Variants in GPR107 observed in about 807,000 individuals in gnomAD.
GPR107 encodes protein GPR107.
Under a neutral mutation model 75.5 loss-of-function variants are expected in GPR107, and 31 were observed. The ratio of observed to expected loss-of-function variants is 0.41; its 90% CI spans 0.31 to 0.55. The LOEUF (loss-of-function observed/expected upper bound fraction) is 0.55. Among genes scored for constraint, GPR107 ranks in the 20% least tolerant of loss-of-function variants. The probability of loss-of-function intolerance (pLI) is 0.26; values close to 1 mark genes in which losing one functional copy is unlikely to be tolerated. For missense variants in GPR107, 572 were observed against 665.7 expected, an observed-to-expected ratio of 0.86 and a Z score of 1.55; for synonymous variants, 267 against 251.3, an observed-to-expected ratio of 1.06 and a Z score of -0.59.
intron 1 of GPR107, among the ~76,000 whole-genome samples, chr9:130,055,514 C>T (rs899957002): frequency 6.6e-5 from 7 of 105,720 alleles, no homozygotes; most frequent in African/African-American, 2.4e-4. Context: ...GGCAACAGCG[C>T]GAGACTCCGT....
intron 1 of GPR107, among the ~76,000 whole-genome samples, chr9:130,054,641 T>G (rs1307265856): frequency 1.3e-5 from 2 of 152,224 alleles, no homozygotes; most frequent in Non-Finnish European, 2.9e-5. Flanking sequence ...AAGGGCCTGC[T>G]TTTTCTTCCT....
chr9:130,118,904 G>A (rs1831486580), intron 14 of GPR107, among the ~76,000 whole-genome samples: 1 of 152,212 alleles, frequency 6.6e-6, no homozygotes. Flanking sequence ...ATGGGGCAGG[G>A]CTGGAAGGCA....
chr9:130,086,284 T>C (rs183395923), intron 6 of GPR107, 136 bp from the exon 7 acceptor site: 2 of 642,214 alleles, frequency 3.1e-6, no homozygotes, highest in Non-Finnish European at 5.5e-6. Context: ...TAGTTGGTTT[T>C]ATTTTCAGAG....
intron 1 of GPR107, among the ~76,000 whole-genome samples, chr9:130,062,651 TGCC>T (rs767529778): frequency 0.28 from 22,222 of 79,460 alleles, 1,766 homozygotes; most frequent in Non-Finnish European, 0.33. Context: ...CCTGCCTGCC[TGCC>T]TGCCTGCCTT....
chr9:130,128,822 C>T, intron 17 of GPR107, 61 bp downstream of exon 17: 1 of 1,527,972 alleles, frequency 6.5e-7, no homozygotes, highest in Non-Finnish European at 9.0e-7. Context: ...CAAAGCAGCA[C>T]AGTGTGAATC....
intron 7 of GPR107, among the ~76,000 whole-genome samples, chr9:130,089,933 G>A (rs563224398): frequency 1.3e-5 from 2 of 152,196 alleles, no homozygotes; most frequent in South Asian, 2.1e-4. Flanking sequence ...CTTATATTGA[G>A]TTTTAACAAG....
In GPR107 at chr9:130,100,714, G is replaced by A; in HGVS notation, c.1013+12G>A. 1 of 1,585,488 alleles carries A rather than the reference G, an allele frequency of 6.3e-7. No homozygotes were observed. Among genetic ancestry groups the A allele is most frequent in the South Asian group, 1.1e-5 (1 of 90,454 alleles). On this transcript the variant is annotated intron_variant, in intron 11 of 17. Transcript: ENST00000347136. The stretch of plus-strand genomic sequence containing the variant: ...TACATAACTCACCTGTAAGTATGCA[G>A]GTCCATGTGAAATACACCATGAAAT...
intron 1 of GPR107, among the ~76,000 whole-genome samples, chr9:130,062,684 T>G (rs1325898949): frequency 1.3e-5 from 2 of 150,288 alleles, no homozygotes; most frequent in Non-Finnish European, 3.0e-5. Context: ...CTTCCTTCCT[T>G]CCTTCCTTCC....
At chr9:130,057,465 G>C (rs1042640815) in intron 1 of GPR107, among the ~76,000 whole-genome samples, 1 of 149,356 alleles carries the variant, frequency 6.7e-6, no homozygotes, top group Non-Finnish European at 1.5e-5. Context: ...AGCTATAATG[G>C]CTCCAGCCTG....
At position 130,083,603 on chromosome 9, in the gene GPR107, G is replaced by T. The variant is rs771795310; in HGVS notation, c.564+1G>T. 6.6e-7 allele frequency: 1 copy of T among 1,519,340 alleles called. No homozygotes were observed. The highest frequency in any genetic ancestry group is 1.3e-5 in the South Asian group (1 of 75,400). 94.1% of individuals were successfully genotyped at this position (1,519,340 alleles called of 1,614,324 possible). A position where few individuals can be genotyped will look rare whatever the true frequency, so the allele number is the denominator to read the frequency against. On this transcript the variant is annotated splice_donor_variant, in intron 6 of 17. Transcript: ENST00000347136. LOFTEE classifies it high-confidence loss of function. ...TAAAAGAAGTACAGTGGATTCAAAGGTAAGAACTAACCACCCTTTTGTGCT... is the reference window on the plus strand; with the variant it reads ...TAAAAGAAGTACAGTGGATTCAAAGTTAAGAACTAACCACCCTTTTGTGCT...
Position 130,124,958 on chromosome 9 carries a change from C to T in GPR107, c.1350C>T (p.Tyr450=), listed in dbSNP as rs149885032. The part of the protein sequence containing the change: ...LAKLKLFRHY[Y]VLIVCYIYFT... The stretch of plus-strand genomic sequence containing the variant: ...AGCTGAAACTTTTCAGACATTATTA[C>T]GTCTTGGTAAGTAAAAAAAAAAAAA... The change falls in exon 15 of 18, where the codon TAC becomes TAT. Residue 450 remains tyrosine, a synonymous_variant. Coordinates refer to ENST00000347136, the MANE Select transcript of GPR107 (RefSeq NM_020960.5). The T allele has an allele frequency of 2.4e-5, 34 of 1,402,694 alleles. No individual in the cohort carries two copies. The highest frequency in any genetic ancestry group is 9.1e-5 in the South Asian group (7 of 77,036). 86.9% of individuals were successfully genotyped at this position (1,402,694 alleles called of 1,614,324 possible).
chr9:130,106,237 G>A (rs184861343), intron 13 of GPR107, among the ~76,000 whole-genome samples: 13 of 152,118 alleles, frequency 8.5e-5, no homozygotes, highest in Admixed American at 7.9e-4. Flanking sequence ...ATTCCTTAAG[G>A]TAAATATCCT....
At position 130,132,178 on chromosome 9, in the gene GPR107, G is replaced by A. The variant is rs1373701457; in HGVS notation, c.1563-2847G>A. 2.0e-5 allele frequency among the ~76,000 whole-genome samples: 3 copies of A among 151,908 alleles called. No homozygotes were observed. In the East Asian group the frequency reaches 5.8e-4, roughly 29 times the overall value. On this transcript the variant is annotated intron_variant, in intron 17 of 17. Transcript: ENST00000347136. ...GGGAATGCAGGCGTGAGCTGCCCTG[G>A]GAATACAGGTGTGCCCAGCCCTTCC...
At position 130,124,920 on chromosome 9, in the gene GPR107, ATTAAC is replaced by A. The variant is rs1469712061; in HGVS notation, c.1316_1320del (p.Asn439SerfsTer21). 1 of 1,551,504 alleles carries A rather than the reference ATTAAC, an allele frequency of 6.4e-7. No individual in the cohort carries two copies. Among genetic ancestry groups the A allele is most frequent in the African/African-American group, 1.4e-5 (1 of 72,186 alleles). ...TTGTTCTTTCTTCTCTCTAGCTGCT[ATTAAC>A]TTAGCAAAGCTGAAACTTTTCAGAC... On this transcript the variant is annotated frameshift_variant, in exon 15 of 18. Transcript: ENST00000347136. LOFTEE classifies it high-confidence loss of function.
At chr9:130,069,265 G>A (rs1421266869) in intron 1 of GPR107, among the ~76,000 whole-genome samples, 3 of 152,146 alleles carry the variant, frequency 2.0e-5, no homozygotes, top group African/African-American at 7.2e-5. Context: ...AGCTCTTAGT[G>A]TAGTACTGGA....
rs566011037 is a variant in GPR107, at chr9:130,059,546, A to G, written c.141+5473A>G. Reference sequence around the variant, plus strand: ...GCATTGCATCATTTCATTCTTAAATATTTTGATATTACCTGTAAAAAATAA... The same window carrying G: ...GCATTGCATCATTTCATTCTTAAATGTTTTGATATTACCTGTAAAAAATAA... On this transcript the variant is annotated intron_variant, in intron 1 of 17. Transcript: ENST00000347136. Among the ~76,000 whole-genome samples, 7 of 152,272 alleles carry G rather than the reference A, an allele frequency of 4.6e-5. No individual in the cohort carries two copies. The South Asian group carries it at 1.4e-3, about 32-fold the overall frequency.
Position 130,083,546 on chromosome 9 carries a change from T to G in GPR107, c.527-19T>G. On this transcript the variant is annotated intron_variant, in intron 5 of 17. Coordinates refer to ENST00000347136, the MANE Select transcript of GPR107 (RefSeq NM_020960.5). ...AGTTGAGTCATGCAGCACTCTCTTT[T>G]AAATGTTCTTGCTTCTAGATGGTGG... 1 of 1,496,768 alleles carries G rather than the reference T, an allele frequency of 6.7e-7. No individual in the cohort carries two copies. The highest frequency in any genetic ancestry group is 8.9e-7 in the Non-Finnish European group (1 of 1,124,598). 92.7% of individuals were successfully genotyped at this position (1,496,768 alleles called of 1,614,324 possible).
At chr9:130,065,663 A>T (rs2132542348) in intron 1 of GPR107, among the ~76,000 whole-genome samples, 1 of 147,870 alleles carries the variant, frequency 6.8e-6, no homozygotes, top group South Asian at 2.2e-4. Flanking sequence ...GCTACTTGGG[A>T]GGCTGAGGCA....
At chr9:130,109,022 G>A (rs183340859) in intron 14 of GPR107, among the ~76,000 whole-genome samples, 1,369 of 119,524 alleles carry the variant, frequency 0.011, 21 homozygotes, top group African/African-American at 0.041. Flanking sequence ...TTTTTGAGAC[G>A]GAGTTTTGCT....
Sources: allele counts gnomAD v4.1 joint callset (sites outside exome capture counted in the v4.1 genomes callset), GRCh38; gene constraint gnomAD v4.1.1; transcripts MANE v1.5; gene names NCBI Gene and HGNC (gene_info 2026-07-23, HGNC 2026-07-21).